KCMF1: variants seen among roughly 807,000 people sequenced by gnomAD.
The protein encoded by KCMF1 is E3 ubiquitin-protein ligase KCMF1.
A neutral mutation model predicts 41.1 loss-of-function variants in KCMF1; 3 were observed. The ratio of observed to expected loss-of-function variants is 0.07; its 90% CI spans 0.03 to 0.19. The LOEUF is 0.19. Among genes scored for constraint, KCMF1 ranks in the 10% least tolerant of loss-of-function variants. The pLI, the probability that KCMF1 is intolerant of heterozygous loss-of-function variation, is 1.00. For synonymous variants in KCMF1, 142 were observed against 164.5 expected (o/e 0.86, Z 1.04); for missense variants, 286 against 488.9 (o/e 0.58, Z 3.91).
chr2:85,012,871 TA>T (rs1024524263), intron 1 of KCMF1, among the ~76,000 whole-genome samples: 14 of 152,350 alleles, frequency 9.2e-5, no homozygotes, highest in Admixed American at 7.2e-4. Flanking sequence ...GCTAACATTT[TA>T]AATTGGTTAG....
At chr2:85,026,446 C>CTTCT (rs1486350601) in intron 1 of KCMF1, among the ~76,000 whole-genome samples, 277 of 146,650 alleles carry the variant, frequency 1.9e-3, no homozygotes, top group African/African-American at 6.8e-3. Flanking sequence ...CCTGTTCAAG[C>CTTCT]TTCTTTCTTT....
chr2:84,975,220 C>T (rs139270956), intron 1 of KCMF1, among the ~76,000 whole-genome samples: 2,325 of 151,878 alleles, frequency 0.015, 30 homozygotes, highest in South Asian at 0.063. Context: ...CCAGCCTGGG[C>T]GACAGAGTGA....
intron 1 of KCMF1, among the ~76,000 whole-genome samples, chr2:84,974,711 T>A (rs1482390440): frequency 1.0e-5 from 1 of 97,838 alleles, no homozygotes; most frequent in African/African-American, 3.8e-5. Context: ...TTTTTTTTTT[T>A]TTTTTTTTTT....
At chr2:85,026,233 C>T (rs528920392) in intron 1 of KCMF1, among the ~76,000 whole-genome samples, 138 of 151,908 alleles carry the variant, frequency 9.1e-4, no homozygotes, top group African/African-American at 3.1e-3. Context: ...TCAGGTGATC[C>T]GCCCACCTCA....
At chr2:85,051,018 A>C (rs1263773248) in intron 6 of KCMF1, among the ~76,000 whole-genome samples, 1 of 152,224 alleles carries the variant, frequency 6.6e-6, no homozygotes, top group Non-Finnish European at 1.5e-5. Context: ...TATTTTGAGG[A>C]TTAAATGGAA....
rs11406108 is a variant in KCMF1 at position 84,979,522 on chromosome 2, TAAAAAA to T, written c.16+8066_16+8071del. ...TGAGCAACAAGAGCGAAATTCTGTC[TAAAAAA>T]AAAAAAAAAATCACTTTATAAATAT... On this transcript the variant is annotated intron_variant, in intron 1 of 6. Coordinates refer to ENST00000409785, the MANE Select transcript of KCMF1 (RefSeq NM_020122.5). 9.2e-5 allele frequency among the ~76,000 whole-genome samples: 13 copies of T among 141,686 alleles called. No individual in the cohort carries two copies. In the Admixed American group the frequency reaches 9.3e-4, roughly 10 times the overall value. The allele number at this position is 141,686 out of a possible 152,430, so 93.0% of individuals were successfully genotyped here. A position where few individuals can be genotyped will look rare whatever the true frequency, so the allele number is the denominator to read the frequency against.
In KCMF1 at chr2:85,049,484, T is replaced by C. The variant is rs1280416446; in HGVS notation, c.720T>C (p.His240=). The part of the protein sequence containing the change: ...LQMQLQLERQ[H]AQAARQQLET... ...TGCAGCTGCAGCTAGAACGGCAGCA[T>C]GCCCAGGCAGCACGGCAACAACTGG... Residue 240 remains histidine (H), a synonymous_variant, in exon 6 of 7, where the codon CAT becomes CAC. Transcript: ENST00000409785. 6.2e-7 allele frequency: 1 copy of C among 1,614,056 alleles called. No homozygotes were observed. The highest frequency in any genetic ancestry group is 8.5e-7 in the Non-Finnish European group (1 of 1,179,906).
chr2:85,018,862 T>C (rs897106456), intron 1 of KCMF1, among the ~76,000 whole-genome samples: 1 of 137,448 alleles, frequency 7.3e-6, no homozygotes, highest in African/African-American at 2.7e-5. Flanking sequence ...TGGAGTGCAG[T>C]GGCGTGATCT....
chr2:85,036,937 G>A (rs1032627630), intron 3 of KCMF1, among the ~76,000 whole-genome samples: 3 of 150,166 alleles, frequency 2.0e-5, no homozygotes, highest in African/African-American at 7.4e-5. Context: ...CACCCCTCAG[G>A]GGCAAGGCAA....
chr2:85,032,224 T>C (rs1237704528), intron 2 of KCMF1, among the ~76,000 whole-genome samples: 5 of 152,092 alleles, frequency 3.3e-5, no homozygotes, highest in Non-Finnish European at 7.4e-5. Context: ...CAGGCTGGAG[T>C]GCAGTGGTGC....
intron 1 of KCMF1, among the ~76,000 whole-genome samples, chr2:84,999,737 T>C (rs1674281602): frequency 6.6e-6 from 1 of 152,200 alleles, no homozygotes; most frequent in African/African-American, 2.4e-5. Flanking sequence ...TTGTTTGATG[T>C]AGGGATAACA....
chr2:85,005,369 A>G (rs543302821), intron 1 of KCMF1, among the ~76,000 whole-genome samples: 1 of 151,866 alleles, frequency 6.6e-6, no homozygotes, highest in East Asian at 1.9e-4. Flanking sequence ...GCTCACTGCA[A>G]GCTCCGCCTA....
intron 2 of KCMF1, among the ~76,000 whole-genome samples, chr2:85,028,991 A>G (rs1163524259): frequency 6.6e-6 from 1 of 152,016 alleles, no homozygotes; most frequent in Non-Finnish European, 1.5e-5. Context: ...TTTTTTTAAG[A>G]CAGAGTCTCA....
chr2:85,047,822 G>A (rs1675709132), intron 5 of KCMF1, among the ~76,000 whole-genome samples: 1 of 152,122 alleles, frequency 6.6e-6, no homozygotes, highest in African/African-American at 2.4e-5. Flanking sequence ...GGTGAAGTGT[G>A]CACCTACCTG....
intron 1 of KCMF1, among the ~76,000 whole-genome samples, chr2:84,998,565 C>T (rs890141452): frequency 1.0e-4 from 15 of 149,426 alleles, no homozygotes; most frequent in African/African-American, 2.9e-4. Context: ...TCAGAGCCAA[C>T]GCCTTATTTA....
intron 1 of KCMF1, among the ~76,000 whole-genome samples, chr2:85,007,101 CAAAA>C (rs764401140): frequency 1.9e-5 from 1 of 51,902 alleles, no homozygotes; most frequent in South Asian, 6.9e-4. Flanking sequence ...AACTCAGTCT[CAAAA>C]AAAAAAAAAA....
chr2:85,046,175 T>C lies in KCMF1; in HGVS notation c.498T>C (p.Ala166=), dbSNP rs1675663130. Residue 166 remains alanine (A), a synonymous_variant, in exon 5 of 7, where the codon GCT becomes GCC. Transcript: ENST00000409785. ...HPGRGLGGPR[A]RRSNMHFTSS... Reference sequence around the variant, plus strand: ...GCCGGGGATTAGGAGGTCCTCGTGCTCGTAGATCAAACATGCACTTTACTA... The same window carrying C: ...GCCGGGGATTAGGAGGTCCTCGTGCCCGTAGATCAAACATGCACTTTACTA... 1.2e-6 allele frequency: 2 copies of C among 1,613,592 alleles called. No individual in the cohort carries two copies. The highest frequency in any genetic ancestry group is 1.7e-6 in the Non-Finnish European group (2 of 1,179,664).
At chr2:84,993,441 A>G (rs1674095321) in intron 1 of KCMF1, among the ~76,000 whole-genome samples, 1 of 151,926 alleles carries the variant, frequency 6.6e-6, no homozygotes, top group Non-Finnish European at 1.5e-5. Flanking sequence ...TTGGGAGATA[A>G]TTTGTTTTGT....
At position 84,998,917 on chromosome 2, in the gene KCMF1, C is replaced by CTAT. The variant is rs1674247826; in HGVS notation, c.16+27450_16+27451insTAT. The stretch of plus-strand genomic sequence containing the variant: ...ATGACCCACTGTGCTGGGCCTCTTA[C>CTAT]CTATCTATCTATCTATCTATCTATC... On this transcript the variant is annotated intron_variant, in intron 1 of 6. Transcript: ENST00000409785. Among the ~76,000 whole-genome samples the CTAT allele has an allele frequency of 3.6e-4, 35 of 96,142 alleles. 2 individuals are homozygous for CTAT. The highest frequency in any genetic ancestry group is 1.6e-3 in the African/African-American group (30 of 18,330). 63.1% of individuals were successfully genotyped at this position (96,142 alleles called of 152,430 possible). A position where few individuals can be genotyped will look rare whatever the true frequency, so the allele number is the denominator to read the frequency against.
Sources: allele counts gnomAD v4.1 joint callset (sites outside exome capture counted in the v4.1 genomes callset), GRCh38; gene constraint gnomAD v4.1.1; transcripts MANE v1.5; gene names NCBI Gene and HGNC (gene_info 2026-07-23, HGNC 2026-07-21).